NDNF: variants seen among roughly 807,000 people sequenced by gnomAD.
The protein encoded by NDNF is protein NDNF.
Under a neutral mutation model 42.0 loss-of-function variants are expected in NDNF, and 16 were observed. That is an observed-to-expected ratio of 0.38 (90% confidence interval 0.26 to 0.58). The LOEUF is 0.58. Ranked by LOEUF, NDNF falls within the 20% of genes least tolerant of loss-of-function variation. NDNF has a pLI of 0.67. For synonymous variants in NDNF, 248 were observed against 251.7 expected, an observed-to-expected ratio of 0.99 and a Z score of 0.14; for missense variants, 616 against 666.2, an observed-to-expected ratio of 0.92 and a Z score of 0.83.
At chr4:121,040,427 AT>A (rs1726977673) in intron 2 of NDNF, among the ~76,000 whole-genome samples, 1 of 152,168 alleles carries the variant, frequency 6.6e-6, no homozygotes, top group South Asian at 2.1e-4. Flanking sequence ...AACCAAGAAA[AT>A]TTCCAGGTTT....
At position 121,057,250 on chromosome 4, in the gene NDNF, C is replaced by A. The variant is rs570085525; in HGVS notation, c.-1-11412G>T. Reference sequence around the variant, plus strand: ...TCTAGGCTAAGTAGTCAAGAAACCCCCTCTGAAGAAGGAACATTTCAGCAA... The same window carrying A: ...TCTAGGCTAAGTAGTCAAGAAACCCACTCTGAAGAAGGAACATTTCAGCAA... On this transcript the variant is annotated intron_variant, in intron 1 of 3. Transcript: ENST00000379692. 3.5e-4 allele frequency among the ~76,000 whole-genome samples: 54 copies of A among 152,244 alleles called. 1 individual carries two copies. Among genetic ancestry groups the A allele is most frequent in the Non-Finnish European group, 7.5e-4 (51 of 68,006 alleles).
At chr4:121,040,584 T>A (rs746102404) in intron 2 of NDNF, among the ~76,000 whole-genome samples, 6 of 152,256 alleles carry the variant, frequency 3.9e-5, no homozygotes, top group Non-Finnish European at 7.3e-5. Flanking sequence ...TCTGGCAATA[T>A]AACGCTGTAT....
rs1053586462 is a variant in NDNF, at chr4:121,040,057, G to T, written c.189-3C>A. 2 of 1,612,734 alleles carry T rather than the reference G, an allele frequency of 1.2e-6. No homozygotes were observed. Among genetic ancestry groups the T allele is most frequent in the African/African-American group, 2.7e-5 (2 of 74,860 alleles). On this transcript the variant is annotated splice_polypyrimidine_tract_variant and splice_region_variant and intron_variant, in intron 2 of 3. Coordinates refer to ENST00000379692, the MANE Select transcript of NDNF (RefSeq NM_024574.4). ...CTTCTTCAACCACAAAGAAATACCT[G>T]TGGGAAAGTGGACCACTTTAGACCG...
intron 1 of NDNF, among the ~76,000 whole-genome samples, chr4:121,048,272 G>C (rs1054891501): frequency 6.6e-6 from 1 of 152,128 alleles, no homozygotes; most frequent in Non-Finnish European, 1.5e-5. Flanking sequence ...TAGAAATTTA[G>C]CAAACATGCT....
rs377642067 is a variant in NDNF, at chr4:121,039,198, A to G, written c.313+732T>C. Among the ~76,000 whole-genome samples the G allele has an allele frequency of 3.4e-3, 71 of 21,056 alleles. 1 individual carries two copies. The highest frequency in any genetic ancestry group is 3.5e-3 in the Non-Finnish European group (25 of 7,180). The allele number at this position is 21,056 out of a possible 152,430, so 13.8% of individuals were successfully genotyped here. On this transcript the variant is annotated intron_variant, in intron 3 of 3. Coordinates refer to ENST00000379692, the MANE Select transcript of NDNF (RefSeq NM_024574.4). ...AGACTATGTGTGTGTGTGTGTATAT[A>G]TATATATATATATATATATATATAT...
intron 1 of NDNF, among the ~76,000 whole-genome samples, chr4:121,055,006 T>TA (rs1727260606): frequency 2.0e-5 from 3 of 151,756 alleles, no homozygotes; most frequent in South Asian, 2.1e-4. Context: ...GGTTTTTTTT[T>TA]TTATTTTTGT....
intron 1 of NDNF, among the ~76,000 whole-genome samples, chr4:121,070,801 G>T (rs1329054888): frequency 6.6e-6 from 1 of 152,142 alleles, no homozygotes; most frequent in Non-Finnish European, 1.5e-5. Flanking sequence ...CCCGCTCAAG[G>T]TCTTGGTTTT....
intron 3 of NDNF, chr4:121,039,022 G>T (rs1252288962): frequency 1.4e-5 from 2 of 145,626 alleles, no homozygotes; most frequent in Non-Finnish European, 3.0e-5. Flanking sequence ...TTTGTTTTCT[G>T]TATCTTGGTC....
chr4:121,058,218 G>A (rs1487072810), intron 1 of NDNF, among the ~76,000 whole-genome samples: 1 of 152,156 alleles, frequency 6.6e-6, no homozygotes, highest in Admixed American at 6.6e-5. Flanking sequence ...AGACAGCAAA[G>A]CAATCTGAAA....
intron 1 of NDNF, among the ~76,000 whole-genome samples, chr4:121,055,798 C>T (rs1727283659): frequency 6.7e-6 from 1 of 149,504 alleles, no homozygotes; most frequent in African/African-American, 2.6e-5. Flanking sequence ...AAAGGCAATA[C>T]ATACACACAT....
intron 1 of NDNF, among the ~76,000 whole-genome samples, chr4:121,067,895 T>C (rs948802281): frequency 6.6e-6 from 1 of 152,180 alleles, no homozygotes; most frequent in Non-Finnish European, 1.5e-5. Flanking sequence ...TATTGCTTCT[T>C]TGGGTTGTGT....
At chr4:121,042,065 CT>C (rs1386020559) in intron 2 of NDNF, among the ~76,000 whole-genome samples, 1 of 152,124 alleles carries the variant, frequency 6.6e-6, no homozygotes, top group African/African-American at 2.4e-5. Flanking sequence ...ACGTCCTATA[CT>C]TTTTACTTTC....
intron 1 of NDNF, among the ~76,000 whole-genome samples, chr4:121,048,256 A>C (rs1303899653): frequency 1.3e-5 from 2 of 152,216 alleles, no homozygotes; most frequent in South Asian, 4.1e-4. Flanking sequence ...CGCTTTCTGT[A>C]CTTGTTAGAA....
chr4:121,046,351 T>G (rs1727092262), intron 1 of NDNF, among the ~76,000 whole-genome samples: 1 of 152,196 alleles, frequency 6.6e-6, no homozygotes, highest in African/African-American at 2.4e-5. Context: ...ACCAGAAAAT[T>G]ATCACTGCTC....
intron 1 of NDNF, among the ~76,000 whole-genome samples, chr4:121,064,657 TCTCA>T (rs1229456330): frequency 9.9e-5 from 15 of 152,198 alleles, no homozygotes; most frequent in Non-Finnish European, 1.5e-4. Flanking sequence ...TTTCAACGTC[TCTCA>T]CTCAGTAATG....
intron 3 of NDNF, chr4:121,037,883 G>A: frequency 2.6e-6 from 1 of 391,422 alleles, no homozygotes; most frequent in Non-Finnish European, 4.5e-6. Context: ...CTTCAGAGCA[G>A]AATCCAATTA....
At chr4:121,055,498 T>G (rs1727277262) in intron 1 of NDNF, among the ~76,000 whole-genome samples, 2 of 151,928 alleles carry the variant, frequency 1.3e-5, no homozygotes, top group African/African-American at 4.8e-5. Context: ...GTGGAAGAAA[T>G]GAGAGAAATA....
chr4:121,039,170 TAAAGA>T, intron 3 of NDNF, among the ~76,000 whole-genome samples: 1 of 42,584 alleles, frequency 2.3e-5, no homozygotes, highest in Non-Finnish European at 6.7e-5. Context: ...TATATATATA[TAAAGA>T]CTATGTGTGT....
At chr4:121,061,644 G>A (rs1560609758) in intron 1 of NDNF, among the ~76,000 whole-genome samples, 1 of 151,644 alleles carries the variant, frequency 6.6e-6, no homozygotes, top group African/African-American at 2.4e-5. Context: ...TTATTTTTTG[G>A]TCTGTTCTTT....
Sources: allele counts gnomAD v4.1 joint callset (sites outside exome capture counted in the v4.1 genomes callset), GRCh38; gene constraint gnomAD v4.1.1; transcripts MANE v1.5; gene names NCBI Gene and HGNC (gene_info 2026-07-23, HGNC 2026-07-21).